The following NDFIP2 variants were observed in gnomAD, a reference collection of about 807,000 sequenced individuals.
NDFIP2 encodes Nedd4 family interacting protein 2.
A neutral mutation model predicts 36.0 loss-of-function variants in NDFIP2; 19 were observed. The ratio of observed to expected loss-of-function variants is 0.53; its 90% CI spans 0.37 to 0.77. NDFIP2 has a LOEUF of 0.77. NDFIP2 is among the 30% of genes least tolerant of loss of function. The probability of loss-of-function intolerance (pLI) is 0.00; values close to 1 mark genes in which losing one functional copy is unlikely to be tolerated. For synonymous variants in NDFIP2, 181 were observed against 167.7 expected (o/e 1.08, Z -0.61); for missense variants, 446 against 435.8 (o/e 1.02, Z -0.21).
At chr13:79,483,887 G>A (rs1266140655) in intron 1 of NDFIP2, among the ~76,000 whole-genome samples, 6 of 152,166 alleles carry the variant, frequency 3.9e-5, no homozygotes, top group African/African-American at 9.7e-5. Flanking sequence ...GGTATGACAC[G>A]TAATTTTATG....
intron 1 of NDFIP2, among the ~76,000 whole-genome samples, chr13:79,489,508 C>A (rs911813024): frequency 6.6e-6 from 1 of 152,150 alleles, no homozygotes; most frequent in Non-Finnish European, 1.5e-5. Context: ...GAGAAACTTG[C>A]ACATACATGG....
chr13:79,550,895 G>T, intron 6 of NDFIP2, 122 bp from the exon 7 acceptor site: 1 of 556,082 alleles, frequency 1.8e-6, no homozygotes, highest in East Asian at 2.9e-5. Context: ...AGAAATGAAT[G>T]GAAGTCTGCA....
chr13:79,535,438 C>T (rs1875197864), intron 3 of NDFIP2, among the ~76,000 whole-genome samples: 2 of 152,134 alleles, frequency 1.3e-5, no homozygotes, highest in South Asian at 4.1e-4. Context: ...GTCATCATTT[C>T]CAGCACCCTG....
At chr13:79,520,789 G>T in intron 1 of NDFIP2, 21 bp from the exon 2 acceptor site, 1 of 1,574,012 alleles carries the variant, frequency 6.4e-7, no homozygotes, top group Non-Finnish European at 8.7e-7. Context: ...TTAATGTTTT[G>T]TTTTTCTTTT....
intron 2 of NDFIP2, 28 bp from the exon 3 acceptor site, chr13:79,533,295 G>T: frequency 6.3e-7 from 1 of 1,585,168 alleles, no homozygotes; most frequent in Non-Finnish European, 8.6e-7. Flanking sequence ...AGATTTTATT[G>T]GTTATTCTTT....
chr13:79,509,860 C>T (rs1205789263), intron 1 of NDFIP2, among the ~76,000 whole-genome samples: 2 of 152,112 alleles, frequency 1.3e-5, no homozygotes, highest in African/African-American at 4.8e-5. Context: ...AAGATGTAAG[C>T]AGGGCAGCTA....
chr13:79,487,149 A>G (rs1873033818), intron 1 of NDFIP2, among the ~76,000 whole-genome samples: 1 of 152,180 alleles, frequency 6.6e-6, no homozygotes, highest in Non-Finnish European at 1.5e-5. Flanking sequence ...ATGACCTGAT[A>G]CAGAATATTA....
chr13:79,489,796 G>A (rs1406330163), intron 1 of NDFIP2, among the ~76,000 whole-genome samples: 1 of 152,256 alleles, frequency 6.6e-6, no homozygotes, highest in Admixed American at 6.5e-5. Context: ...AGTGGAATGG[G>A]ACAAAACAGA....
At position 79,517,927 on chromosome 13, in the gene NDFIP2, A is replaced by G. The variant is rs192680469; in HGVS notation, c.322-2883A>G. Among the ~76,000 whole-genome samples the G allele has an allele frequency of 1.1e-4, 16 of 152,316 alleles. No homozygotes were observed. The East Asian group carries it at 1.7e-3, about 17-fold the overall frequency. On this transcript the variant is annotated intron_variant, in intron 1 of 7. Transcript: ENST00000218652. ...ATTTTTCGTTTGTAAAGCTCGCTGTATCTGCATTTGCAGCTTTAATAAGAG... is the reference window on the plus strand; with the variant it reads ...ATTTTTCGTTTGTAAAGCTCGCTGTGTCTGCATTTGCAGCTTTAATAAGAG...
At chr13:79,541,503 A>T (rs2137111046) in intron 4 of NDFIP2, among the ~76,000 whole-genome samples, 1 of 151,940 alleles carries the variant, frequency 6.6e-6, no homozygotes, top group South Asian at 2.1e-4. Context: ...CTGTTTTACA[A>T]ATATTGTACC....
At chr13:79,492,152 G>T (rs1323744919) in intron 1 of NDFIP2, among the ~76,000 whole-genome samples, 1 of 151,948 alleles carries the variant, frequency 6.6e-6, no homozygotes, top group African/African-American at 2.4e-5. Context: ...TTTTGTAAAA[G>T]AATCTTCTAA....
At chr13:79,483,472 A>G (rs1281490410) in intron 1 of NDFIP2, among the ~76,000 whole-genome samples, 4 of 152,198 alleles carry the variant, frequency 2.6e-5, no homozygotes, top group Non-Finnish European at 5.9e-5. Flanking sequence ...TATGATGAAC[A>G]CAACTATTTT....
intron 2 of NDFIP2, among the ~76,000 whole-genome samples, chr13:79,528,859 A>G (rs141187141): frequency 6.6e-6 from 1 of 152,222 alleles, no homozygotes; most frequent in East Asian, 1.9e-4. Context: ...CACAAAAACT[A>G]AATTGCTTAA....
chr13:79,491,872 G>A (rs889196360), intron 1 of NDFIP2, among the ~76,000 whole-genome samples: 2 of 152,302 alleles, frequency 1.3e-5, no homozygotes, highest in East Asian at 1.9e-4. Flanking sequence ...TGGAATTAGG[G>A]TGTGGGTAAA....
At chr13:79,487,393 A>G (rs1244831146) in intron 1 of NDFIP2, among the ~76,000 whole-genome samples, 1 of 152,182 alleles carries the variant, frequency 6.6e-6, no homozygotes, top group African/African-American at 2.4e-5. Context: ...TATAAATCGA[A>G]TGAATACACT....
chr13:79,494,927 A>G (rs531658065), intron 1 of NDFIP2, among the ~76,000 whole-genome samples: 2 of 151,596 alleles, frequency 1.3e-5, no homozygotes, highest in African/African-American at 2.4e-5. Flanking sequence ...TGTCAATTTT[A>G]TTCATCTTTT....
chr13:79,533,913 A>G (rs1177101597), intron 3 of NDFIP2, among the ~76,000 whole-genome samples: 2 of 152,076 alleles, frequency 1.3e-5, no homozygotes, highest in East Asian at 1.9e-4. Flanking sequence ...GGGTTACTGT[A>G]TTTGTTCTAC....
intron 1 of NDFIP2, among the ~76,000 whole-genome samples, chr13:79,499,795 A>G (rs1236323088): frequency 6.6e-6 from 1 of 151,986 alleles, no homozygotes; most frequent in Admixed American, 6.6e-5. Context: ...GTTCTTCACA[A>G]CCTGACTTGG....
At chr13:79,533,559 G>A (rs1875105186) in intron 3 of NDFIP2, 103 bp downstream of exon 3, 1 of 1,098,076 alleles carries the variant, frequency 9.1e-7, no homozygotes, top group African/African-American at 1.6e-5. Context: ...TGTGTATGTA[G>A]ATTTTTTTTG....
Sources: allele counts gnomAD v4.1 joint callset (sites outside exome capture counted in the v4.1 genomes callset), GRCh38; gene constraint gnomAD v4.1.1; transcripts MANE v1.5; gene names NCBI Gene and HGNC (gene_info 2026-07-23, HGNC 2026-07-21).